GFRA1: variants seen among roughly 807,000 people sequenced by gnomAD.
The protein encoded by GFRA1 is GDNF family receptor alpha 1, also known as GDNF family receptor alpha-1.
GFRA1 carries 16 observed loss-of-function variants against 51.6 expected under a neutral mutation model. That is an observed-to-expected ratio of 0.31 (90% CI 0.21 to 0.47). The LOEUF (loss-of-function observed/expected upper bound fraction) is 0.47, where lower values mean the gene tolerates loss of function less well. GFRA1 is among the 20% of genes least tolerant of loss of function. GFRA1 has a pLI of 1.00. For missense variants in GFRA1, 530 were observed against 594.3 expected (o/e 0.89, Z 1.13); for synonymous variants, 270 against 241.3 (o/e 1.12, Z -1.10).
At chr10:116,197,574 GCACA>G (rs1484665743) in intron 5 of GFRA1, among the ~76,000 whole-genome samples, 7 of 152,080 alleles carry the variant, frequency 4.6e-5, no homozygotes, top group Non-Finnish European at 8.8e-5. Flanking sequence ...TAATACACGT[GCACA>G]CACACAGACA....
intron 5 of GFRA1, among the ~76,000 whole-genome samples, chr10:116,174,572 C>T (rs1961397031): frequency 6.6e-6 from 1 of 152,164 alleles, no homozygotes; most frequent in African/African-American, 2.4e-5. Flanking sequence ...AGAATTCTCA[C>T]ACTAATAGGC....
chr10:116,092,969 C>T (rs957902172), intron 8 of GFRA1, among the ~76,000 whole-genome samples: 3 of 152,108 alleles, frequency 2.0e-5, no homozygotes, highest in Non-Finnish European at 2.9e-5. Flanking sequence ...CTGATGAATG[C>T]CCATTGTTCA....
chr10:116,245,311 A>G (rs1967774671), intron 4 of GFRA1, among the ~76,000 whole-genome samples: 2 of 152,260 alleles, frequency 1.3e-5, no homozygotes, highest in African/African-American at 4.8e-5. Flanking sequence ...GCAAATAAGC[A>G]TATGAAAAGA....
intron 4 of GFRA1, among the ~76,000 whole-genome samples, chr10:116,219,613 A>G (rs1965787804): frequency 6.6e-6 from 1 of 152,220 alleles, no homozygotes; most frequent in Non-Finnish European, 1.5e-5. Context: ...CCACATTAAG[A>G]GCCTAAACAA....
At chr10:116,255,371 A>G (rs1335885971) in intron 4 of GFRA1, among the ~76,000 whole-genome samples, 1 of 152,226 alleles carries the variant, frequency 6.6e-6, no homozygotes, top group Non-Finnish European at 1.5e-5. Flanking sequence ...ACAATTTGGA[A>G]AGCAAGAAGG....
intron 6 of GFRA1, among the ~76,000 whole-genome samples, chr10:116,111,990 A>T (rs1957231981): frequency 2.0e-5 from 3 of 152,186 alleles, no homozygotes; most frequent in African/African-American, 7.2e-5. Context: ...GAGCACCTGG[A>T]AGTCTGGTCC....
At chr10:116,084,000 G>T (rs1011816408) in intron 9 of GFRA1, among the ~76,000 whole-genome samples, 17 of 152,166 alleles carry the variant, frequency 1.1e-4, no homozygotes, top group Non-Finnish European at 2.2e-4. Flanking sequence ...GGCTTTGTTG[G>T]GAGGCTGGCA....
At chr10:116,128,104 T>C (rs1024252375) in intron 5 of GFRA1, among the ~76,000 whole-genome samples, 3 of 152,160 alleles carry the variant, frequency 2.0e-5, no homozygotes, top group Middle Eastern at 3.2e-3. Context: ...CACTCAGTAA[T>C]ACAGGCCTGC....
chr10:116,257,924 C>CAGGCTGTTGCCTCTGCG (rs1565685258), intron 4 of GFRA1, among the ~76,000 whole-genome samples: 4 of 152,094 alleles, frequency 2.6e-5, no homozygotes, highest in Admixed American at 2.6e-4. Flanking sequence ...GTGCCTTTGC[C>CAGGCTGTTGCCTCTGCG]CAGGCTGTTG....
intron 5 of GFRA1, among the ~76,000 whole-genome samples, chr10:116,202,502 C>T (rs1964415732): frequency 6.6e-6 from 1 of 152,146 alleles, no homozygotes; most frequent in African/African-American, 2.4e-5. Flanking sequence ...GGTCCATTCT[C>T]ACCCTGCTAT....
chr10:116,085,695 C>T (rs1480872114), intron 9 of GFRA1, among the ~76,000 whole-genome samples: 1 of 152,158 alleles, frequency 6.6e-6, no homozygotes, highest in South Asian at 2.1e-4. Context: ...CTCATCCCCC[C>T]CATCCTCTAG....
intron 4 of GFRA1, among the ~76,000 whole-genome samples, chr10:116,249,680 C>T (rs532640951): frequency 6.6e-6 from 1 of 152,278 alleles, no homozygotes; most frequent in South Asian, 2.1e-4. Flanking sequence ...GCATCTTCTA[C>T]CTACCTAGCT....
intron 4 of GFRA1, among the ~76,000 whole-genome samples, chr10:116,268,761 G>A (rs1969864005): frequency 6.6e-6 from 1 of 152,106 alleles, no homozygotes; most frequent in Admixed American, 6.6e-5. Flanking sequence ...CATTAGTCTG[G>A]AATCTGTATG....
At chr10:116,092,096 T>TGTACACAC (rs147739183) in intron 8 of GFRA1, among the ~76,000 whole-genome samples, 1 of 138,110 alleles carries the variant, frequency 7.2e-6, no homozygotes, top group Non-Finnish European at 1.6e-5. Context: ...CATACATACG[T>TGTACACAC]ACACACACAC....
chr10:116,267,645 T>G (rs1969769393), intron 4 of GFRA1, among the ~76,000 whole-genome samples: 2 of 152,056 alleles, frequency 1.3e-5, no homozygotes, highest in Admixed American at 1.3e-4. Context: ...TAACAGGCAT[T>G]GTCCCTCAAA....
At chr10:116,239,025 T>C (rs1355612450) in intron 4 of GFRA1, among the ~76,000 whole-genome samples, 4 of 152,222 alleles carry the variant, frequency 2.6e-5, no homozygotes, top group African/African-American at 4.8e-5. Flanking sequence ...TGTCCAGCTA[T>C]ATTGGAAGCA....
In GFRA1 at chr10:116,067,816, A is replaced by G. The variant is rs574445304; in HGVS notation, c.1198-2190T>C. Reference sequence around the variant, plus strand: ...AGCTTTCAACCAGGGAGACACACACAGGTGTAAACTCCAAGGATCTTGTCT... The same window carrying G: ...AGCTTTCAACCAGGGAGACACACACGGGTGTAAACTCCAAGGATCTTGTCT... On this transcript the variant is annotated intron_variant, in intron 9 of 10. Transcript: ENST00000355422. 2.0e-5 allele frequency among the ~76,000 whole-genome samples: 3 copies of G among 152,330 alleles called. No individual in the cohort carries two copies. The East Asian group carries it at 5.8e-4, about 29-fold the overall frequency.
At chr10:116,093,165 C>A (rs1274862376) in intron 8 of GFRA1, among the ~76,000 whole-genome samples, 2 of 152,182 alleles carry the variant, frequency 1.3e-5, no homozygotes, top group Non-Finnish European at 2.9e-5. Flanking sequence ...GTTTATCCCC[C>A]TCAAGAATTG....
At chr10:116,064,610 A>C (rs1415087749) in intron 10 of GFRA1, 66 bp from the exon 11 acceptor site, 1 of 1,442,200 alleles carries the variant, frequency 6.9e-7, no homozygotes, top group African/African-American at 1.4e-5. Context: ...TATACTTTAC[A>C]CTCTCTCTCC....
Sources: allele counts gnomAD v4.1 joint callset (sites outside exome capture counted in the v4.1 genomes callset), GRCh38; gene constraint gnomAD v4.1.1; transcripts MANE v1.5; gene names NCBI Gene and HGNC (gene_info 2026-07-23, HGNC 2026-07-21).